OPCML: variants seen among roughly 807,000 people sequenced by gnomAD.
OPCML encodes the protein opioid-binding protein/cell adhesion molecule.
A neutral mutation model predicts 37.8 loss-of-function variants in OPCML; 13 were observed. That is an observed-to-expected ratio of 0.34 (90% CI 0.22 to 0.55). OPCML has a LOEUF of 0.55. OPCML is among the 20% of genes least tolerant of loss of function. The probability of loss-of-function intolerance (pLI) is 0.91; values close to 1 mark genes in which losing one functional copy is unlikely to be tolerated. For missense variants in OPCML, 341 were observed against 435.6 expected (o/e 0.78, Z 1.93); for synonymous variants, 176 against 168.8 (o/e 1.04, Z -0.33).
At chr11:132,475,476 C>T (rs2096152104) in intron 4 of OPCML, among the ~76,000 whole-genome samples, 1 of 152,062 alleles carries the variant, frequency 6.6e-6, no homozygotes. Flanking sequence ...GATTAAGTTA[C>T]AATGAGGCCA....
Position 133,211,959 on chromosome 11 carries a change from G to A in OPCML, c.62-268949C>T, listed in dbSNP as rs1331886038. On this transcript the variant is annotated intron_variant, in intron 1 of 7. Coordinates refer to ENST00000524381, the MANE Select transcript of OPCML (RefSeq NM_001012393.5). The surrounding 1 kb of genome is among the most constrained non-coding windows in gnomAD (Gnocchi z 4.1). Reference sequence around the variant, plus strand: ...AAGTTAGTGTATATACTCAAACAAAGCCATGAACGCTGGGCTGTCAGATGG... The same window carrying A: ...AAGTTAGTGTATATACTCAAACAAAACCATGAACGCTGGGCTGTCAGATGG... 2.0e-5 allele frequency among the ~76,000 whole-genome samples: 3 copies of A among 152,112 alleles called. No individual in the cohort carries two copies. Among genetic ancestry groups the A allele is most frequent in the African/African-American group, 7.2e-5 (3 of 41,408 alleles).
chr11:133,514,171 G>A (rs183030078), intron 1 of OPCML, among the ~76,000 whole-genome samples: 109 of 152,340 alleles, frequency 7.2e-4, no homozygotes, highest in African/African-American at 2.4e-3. Flanking sequence ...AGCATTGTCA[G>A]TGTTTGCAGT....
At chr11:132,521,719 A>G (rs1318475080) in intron 4 of OPCML, among the ~76,000 whole-genome samples, 1 of 152,158 alleles carries the variant, frequency 6.6e-6, no homozygotes, top group Non-Finnish European at 1.5e-5. Context: ...GCACAAGTAT[A>G]CCTATGTAAC....
intron 2 of OPCML, among the ~76,000 whole-genome samples, chr11:132,744,258 T>C (rs1335199116): frequency 6.6e-6 from 1 of 152,196 alleles, no homozygotes; most frequent in African/African-American, 2.4e-5. Context: ...TGGCCCATTT[T>C]TTATGCACTC....
chr11:133,415,023 T>C (rs1945730183), intron 1 of OPCML, among the ~76,000 whole-genome samples: 1 of 152,172 alleles, frequency 6.6e-6, no homozygotes, highest in Non-Finnish European at 1.5e-5. Flanking sequence ...AGAATTGGCA[T>C]GTTCTAAGTA....
At chr11:133,407,783 G>C (rs1024761760) in intron 1 of OPCML, among the ~76,000 whole-genome samples, 5 of 152,216 alleles carry the variant, frequency 3.3e-5, no homozygotes, top group Admixed American at 6.5e-5. Flanking sequence ...TGACAGAATT[G>C]CCTGATGCAT....
intron 2 of OPCML, among the ~76,000 whole-genome samples, chr11:132,661,728 T>A (rs192528536): frequency 2.6e-4 from 40 of 152,360 alleles, no homozygotes; most frequent in African/African-American, 9.4e-4. Context: ...AAAACAGAAC[T>A]CATTACAACT....
At chr11:133,093,776 A>T (rs996908992) in intron 1 of OPCML, among the ~76,000 whole-genome samples, 7 of 149,646 alleles carry the variant, frequency 4.7e-5, no homozygotes, top group South Asian at 2.1e-4. Context: ...ATCTGTACTT[A>T]TTTTTTTTTT....
chr11:133,443,679 A>G (rs1196917558), intron 1 of OPCML, among the ~76,000 whole-genome samples: 2 of 152,202 alleles, frequency 1.3e-5, no homozygotes, highest in East Asian at 3.9e-4. Context: ...GCTCTGAAGT[A>G]TGTTAAGCGT....
At chr11:133,420,503 C>T in intron 1 of OPCML, 1 of 983,722 alleles carries the variant, frequency 1.0e-6, no homozygotes, top group South Asian at 4.7e-5. Context: ...TTTTTTCTGG[C>T]CTCATTGGTG....
At chr11:132,831,727 C>A (rs2136279649) in intron 2 of OPCML, among the ~76,000 whole-genome samples, 1 of 148,858 alleles carries the variant, frequency 6.7e-6, no homozygotes. Context: ...TCCCCCTTTT[C>A]TTCCCTCTCT....
intron 2 of OPCML, among the ~76,000 whole-genome samples, chr11:132,813,937 A>T (rs888089801): frequency 4.6e-5 from 7 of 152,200 alleles, no homozygotes; most frequent in African/African-American, 1.4e-4. Context: ...TACATGCACT[A>T]ATAACACCTT....
chr11:132,479,838 C>G (rs1374583736), intron 4 of OPCML, among the ~76,000 whole-genome samples: 1 of 152,152 alleles, frequency 6.6e-6, no homozygotes, highest in Non-Finnish European at 1.5e-5. Flanking sequence ...AACTAACAAA[C>G]AGAAAGGACA....
At chr11:132,582,737 C>A (rs943121445) in intron 3 of OPCML, among the ~76,000 whole-genome samples, 3 of 151,720 alleles carry the variant, frequency 2.0e-5, no homozygotes, top group Non-Finnish European at 2.9e-5. Context: ...ATTTAAGCCA[C>A]TTAATTTCAA....
intron 4 of OPCML, among the ~76,000 whole-genome samples, chr11:132,477,513 G>A (rs1217055679): frequency 6.6e-6 from 1 of 152,142 alleles, no homozygotes; most frequent in Non-Finnish European, 1.5e-5. Flanking sequence ...CTTCTGTGTT[G>A]GAAGCAACTG....
rs150229047 is a variant in OPCML, at chr11:132,447,596, C to T, written c.506-10237G>A. 2.0e-3 allele frequency among the ~76,000 whole-genome samples: 308 copies of T among 152,292 alleles called. 1 individual carries two copies. Among genetic ancestry groups the T allele is most frequent in the African/African-American group, 6.7e-3 (279 of 41,566 alleles). On this transcript the variant is annotated intron_variant, in intron 4 of 7. Transcript: ENST00000524381. Reference sequence around the variant, plus strand: ...AAGTGACAGAATTACAGGCGTGAGCCACCATACCCGGTCGACAGTGTACTT... The same window carrying T: ...AAGTGACAGAATTACAGGCGTGAGCTACCATACCCGGTCGACAGTGTACTT...
chr11:132,507,698 T>C (rs1371565646), intron 4 of OPCML, among the ~76,000 whole-genome samples: 3 of 151,608 alleles, frequency 2.0e-5, no homozygotes, highest in African/African-American at 7.2e-5. Flanking sequence ...TAATTTTTAA[T>C]TATATTTTAA....
chr11:132,918,451 C>T (rs553914671), intron 2 of OPCML, among the ~76,000 whole-genome samples: 1 of 152,298 alleles, frequency 6.6e-6, no homozygotes, highest in South Asian at 2.1e-4. Context: ...TTAATTTGTT[C>T]TGTCCTGTTC....
chr11:132,723,131 C>T (rs1944736033), intron 2 of OPCML, among the ~76,000 whole-genome samples: 1 of 152,068 alleles, frequency 6.6e-6, no homozygotes, highest in Non-Finnish European at 1.5e-5. Context: ...AACAAAGGGC[C>T]ATGTGATTAG....
Sources: allele counts gnomAD v4.1 joint callset (sites outside exome capture counted in the v4.1 genomes callset), GRCh38; gene constraint gnomAD v4.1.1; non-coding constraint Gnocchi (gnomAD v3.1); transcripts MANE v1.5; gene names NCBI Gene and HGNC (gene_info 2026-07-23, HGNC 2026-07-21).